FGF18: variants seen among roughly 807,000 people sequenced by gnomAD.
FGF18 encodes fibroblast growth factor 18.
Under a neutral mutation model 23.0 loss-of-function variants are expected in FGF18, and 5 were observed. The ratio of observed to expected loss-of-function variants is 0.22; its 90% CI spans 0.11 to 0.46. The LOEUF (loss-of-function observed/expected upper bound fraction) is 0.46, where lower values mean the gene tolerates loss of function less well. FGF18 is among the 20% of genes least tolerant of loss of function. The pLI, the probability that FGF18 is intolerant of heterozygous loss-of-function variation, is 0.99. For missense variants in FGF18, 180 were observed against 291.6 expected (o/e 0.62, Z 2.79); for synonymous variants, 117 against 118.9 (o/e 0.98, Z 0.10).
Position 171,456,451 on chromosome 5 carries a change from T to C in FGF18, c.358-88T>C. 1.4e-5 allele frequency: 19 copies of C among 1,338,222 alleles called. No homozygotes were observed. Among genetic ancestry groups the C allele is most frequent in the Non-Finnish European group, 1.9e-5 (18 of 966,874 alleles). 82.9% of individuals were successfully genotyped at this position (1,338,222 alleles called of 1,614,324 possible). A position where few individuals can be genotyped will look rare whatever the true frequency, so the allele number is the denominator to read the frequency against. On this transcript the variant is annotated intron_variant, in intron 4 of 4. Coordinates refer to ENST00000274625, the MANE Select transcript of FGF18 (RefSeq NM_003862.3). The surrounding 1 kb of genome is among the most constrained non-coding windows in gnomAD (Gnocchi z 6.1). ...ACAGTTGTCCCTACAACAATCGCAA[T>C]GGTCCTGAATAAAACCTTCCTCGCT...
chr5:171,453,940 T>C (rs759630768), intron 4 of FGF18, among the ~76,000 whole-genome samples: 5 of 151,956 alleles, frequency 3.3e-5, no homozygotes, highest in Non-Finnish European at 7.4e-5. Flanking sequence ...CTAATGAAAA[T>C]GCGTTCAACC....
intron 2 of FGF18, among the ~76,000 whole-genome samples, chr5:171,431,222 C>G (rs1024128612): frequency 1.3e-5 from 2 of 152,144 alleles, no homozygotes; most frequent in African/African-American, 2.4e-5. Flanking sequence ...GGGGGCTCAC[C>G]TCAACCTCTT....
Position 171,443,500 on chromosome 5 carries a change from C to CTTTTTTTTTTTTTTTTTTTTTTTTT in FGF18, c.251-5647_251-5646insTTTTTTTTTTTTTTTTTTTTTTTTT, listed in dbSNP as rs766926286. On this transcript the variant is annotated intron_variant, in intron 3 of 4. Coordinates refer to ENST00000274625, the MANE Select transcript of FGF18 (RefSeq NM_003862.3). ...TCAGATAAGTATTCACTGTTATCAT[C>CTTTTTTTTTTTTTTTTTTTTTTTTT]ATTTTTTTTTTTTTTTTTTTTTTTT... 1.7e-4 allele frequency among the ~76,000 whole-genome samples: 12 copies of CTTTTTTTTTTTTTTTTTTTTTTTTT among 70,396 alleles called. 2 individuals are homozygous for CTTTTTTTTTTTTTTTTTTTTTTTTT. Among genetic ancestry groups the CTTTTTTTTTTTTTTTTTTTTTTTTT allele is most frequent in the Admixed American group, 4.4e-4 (2 of 4,528 alleles). The allele number at this position is 70,396 out of a possible 152,430, so 46.2% of individuals were successfully genotyped here. A position where few individuals can be genotyped will look rare whatever the true frequency, so the allele number is the denominator to read the frequency against.
At chr5:171,446,780 C>T (rs902792918) in intron 3 of FGF18, among the ~76,000 whole-genome samples, 6 of 152,114 alleles carry the variant, frequency 3.9e-5, no homozygotes, top group African/African-American at 9.7e-5. Context: ...GTATGGCTTA[C>T]TCAAGGTCAC....
At position 171,420,153 on chromosome 5, in the gene FGF18, A is replaced by G; in HGVS notation, c.-47A>G. ...GCCCGGTCCCGGCCGCGCGGAGCGG[A>G]CATGTGCAGGCTGGGCTAGGAGCCG... On this transcript the variant is annotated 5_prime_UTR_variant, in exon 1 of 5. Coordinates refer to ENST00000274625, the MANE Select transcript of FGF18 (RefSeq NM_003862.3). 1 of 1,496,082 alleles carries G rather than the reference A, an allele frequency of 6.7e-7. No individual in the cohort carries two copies. The highest frequency in any genetic ancestry group is 8.9e-7 in the Non-Finnish European group (1 of 1,125,520). The allele number at this position is 1,496,082 out of a possible 1,614,324, so 92.7% of individuals were successfully genotyped here.
At chr5:171,433,236 G>A (rs1772205240) in intron 2 of FGF18, among the ~76,000 whole-genome samples, 1 of 152,216 alleles carries the variant, frequency 6.6e-6, no homozygotes, top group African/African-American at 2.4e-5. Flanking sequence ...AGCCCCTGCT[G>A]ACCCTGGGTC....
chr5:171,425,047 G>A (rs1048619210), intron 2 of FGF18, among the ~76,000 whole-genome samples: 2 of 152,210 alleles, frequency 1.3e-5, no homozygotes, highest in African/African-American at 4.8e-5. Flanking sequence ...AGGACGCACT[G>A]GACCCCCAAA....
Position 171,432,963 on chromosome 5 carries a change from G to A in FGF18, c.70-3130G>A, listed in dbSNP as rs144463851. 1.7e-3 allele frequency among the ~76,000 whole-genome samples: 261 copies of A among 152,288 alleles called. 1 individual carries two copies. The highest frequency in any genetic ancestry group is 5.7e-3 in the African/African-American group (236 of 41,566). On this transcript the variant is annotated intron_variant, in intron 2 of 4. Coordinates refer to ENST00000274625, the MANE Select transcript of FGF18 (RefSeq NM_003862.3). ...AATAAGCCATTGCAGTAGAGTGTTCGGGGGCCCTCACCCAGCCTGGGAGGT... is the reference window on the plus strand; with the variant it reads ...AATAAGCCATTGCAGTAGAGTGTTCAGGGGCCCTCACCCAGCCTGGGAGGT...
chr5:171,424,937 G>A (rs1772069265), intron 2 of FGF18, among the ~76,000 whole-genome samples: 1 of 152,182 alleles, frequency 6.6e-6, no homozygotes, highest in African/African-American at 2.4e-5. Flanking sequence ...TAAGGAGGTG[G>A]ATTTTTAGAA....
At position 171,456,750 on chromosome 5, in the gene FGF18, A is replaced by G; in HGVS notation, c.569A>G (p.Lys190Arg). 6.2e-7 allele frequency: 1 copy of G among 1,614,104 alleles called. No individual in the cohort carries two copies. Among genetic ancestry groups the G allele is most frequent in the African/African-American group, 1.3e-5 (1 of 75,026 alleles). ...KGQPELQKPF[K>R]YTTVTKRSRR... ...CAGCCGGAGCTTCAGAAGCCCTTCA[A>G]GTACACGACGGTGACCAAGAGGTCC... The change falls in exon 5 of 5, where the codon AAG becomes AGG. Residue 190 changes from lysine (K) to arginine (R), a missense_variant. By Grantham distance (26) the Lys-to-Arg change is conservative. Coordinates refer to ENST00000274625, the MANE Select transcript of FGF18 (RefSeq NM_003862.3). This position sits in a 1 kb window ranked among gnomAD's most constrained non-coding sequence, Gnocchi z 6.1.
rs139618500 is a variant in FGF18 at position 171,432,958 on chromosome 5, T to C, written c.70-3135T>C. ...GGGACAATAAGCCATTGCAGTAGAG[T>C]GTTCGGGGGCCCTCACCCAGCCTGG... is the stretch of plus-strand genomic sequence containing the variant. On this transcript the variant is annotated intron_variant, in intron 2 of 4. Transcript: ENST00000274625. Among the ~76,000 whole-genome samples the C allele has an allele frequency of 1.1e-3, 165 of 152,158 alleles. 1 individual carries two copies. The highest frequency in any genetic ancestry group is 3.8e-3 in the African/African-American group (157 of 41,522).
chr5:171,456,925 T>C lies in FGF18; in HGVS notation c.*120T>C. On this transcript the variant is annotated 3_prime_UTR_variant, in exon 5 of 5. Transcript: ENST00000274625. This position sits in a 1 kb window ranked among gnomAD's most constrained non-coding sequence, Gnocchi z 6.1. ...AAGCTCTATTTTTGTACATTGTGTT[T>C]AAAAGAAGACAAAAACTGAACCAAA... is the stretch of plus-strand genomic sequence containing the variant. The C allele has an allele frequency of 7.7e-7, 1 of 1,303,518 alleles. No homozygotes were observed. Among genetic ancestry groups the C allele is most frequent in the Non-Finnish European group, 1.0e-6 (1 of 966,232 alleles). The allele number at this position is 1,303,518 out of a possible 1,614,324, so 80.7% of individuals were successfully genotyped here. A position where few individuals can be genotyped will look rare whatever the true frequency, so the allele number is the denominator to read the frequency against.
chr5:171,428,957 C>A (rs1772138414), intron 2 of FGF18, among the ~76,000 whole-genome samples: 1 of 152,198 alleles, frequency 6.6e-6, no homozygotes, highest in Non-Finnish European at 1.5e-5. Context: ...CCTGCAGTGC[C>A]CCCCTCCCCT....
At chr5:171,445,366 T>A (rs936443787) in intron 3 of FGF18, among the ~76,000 whole-genome samples, 1 of 152,108 alleles carries the variant, frequency 6.6e-6, no homozygotes, top group Non-Finnish European at 1.5e-5. Flanking sequence ...ATATTTTTTG[T>A]TGTATGTTTT....
At position 171,424,811 on chromosome 5, in the gene FGF18, A is replaced by G. The variant is rs1772066654; in HGVS notation, c.69+4368A>G. Among the ~76,000 whole-genome samples, 3 of 126,804 alleles carry G rather than the reference A, an allele frequency of 2.4e-5. No individual in the cohort carries two copies. The South Asian group carries it at 8.3e-4, about 35-fold the overall frequency. 83.2% of individuals were successfully genotyped at this position (126,804 alleles called of 152,430 possible). A position where few individuals can be genotyped will look rare whatever the true frequency, so the allele number is the denominator to read the frequency against. On this transcript the variant is annotated intron_variant, in intron 2 of 4. Transcript: ENST00000274625. ...GTACTTGGGGGCTGGGGCCCAGAGG[A>G]TTCAGCACTCCTCTTCCAGCCTATC...
rs1362116238 is a variant in FGF18 at position 171,436,625 on chromosome 5, C to A, written c.250+352C>A. On this transcript the variant is annotated intron_variant, in intron 3 of 4. Coordinates refer to ENST00000274625, the MANE Select transcript of FGF18 (RefSeq NM_003862.3). This position sits in a 1 kb window ranked among gnomAD's most constrained non-coding sequence, Gnocchi z 4.4. ...CCCCAGGTTCAGCCACTTCAAGGGG[C>A]AGGAGCCTCGAGGTGATGCTTTTAG... 6.6e-6 allele frequency among the ~76,000 whole-genome samples: 1 copy of A among 152,176 alleles called. No homozygotes were observed. Among genetic ancestry groups the A allele is most frequent in the Admixed American group, 6.5e-5 (1 of 15,286 alleles).
intron 2 of FGF18, among the ~76,000 whole-genome samples, chr5:171,420,674 G>A (rs1365742945): frequency 6.6e-6 from 1 of 152,224 alleles, no homozygotes; most frequent in Non-Finnish European, 1.5e-5. Flanking sequence ...GGCTGTCGCG[G>A]CCACTGTCGG....
intron 4 of FGF18, among the ~76,000 whole-genome samples, chr5:171,450,877 A>G (rs938556843): frequency 7.3e-5 from 11 of 151,626 alleles, no homozygotes; most frequent in Non-Finnish European, 1.5e-4. Context: ...CCCAGGCCCA[A>G]CCTGCTTTGA....
At chr5:171,433,359 C>T (rs575738545) in intron 2 of FGF18, among the ~76,000 whole-genome samples, 2 of 152,244 alleles carry the variant, frequency 1.3e-5, no homozygotes, top group East Asian at 3.9e-4. Flanking sequence ...GGTTTGACCT[C>T]TGGTCGATAA....
Sources: allele counts gnomAD v4.1 joint callset (sites outside exome capture counted in the v4.1 genomes callset), GRCh38; gene constraint gnomAD v4.1.1; non-coding constraint Gnocchi (gnomAD v3.1); transcripts MANE v1.5; gene names NCBI Gene and HGNC (gene_info 2026-07-23, HGNC 2026-07-21).